NHEJ1: variants seen among roughly 807,000 people sequenced by gnomAD.
NHEJ1 encodes the protein non-homologous end joining factor 1, also known as non-homologous end-joining factor 1.
In NHEJ1, 22 loss-of-function variants were observed where a neutral mutation model predicts 39.4. The ratio of observed to expected loss-of-function variants is 0.56; its 90% confidence interval spans 0.40 to 0.80. The LOEUF (loss-of-function observed/expected upper bound fraction) is 0.80, where lower values mean the gene tolerates loss of function less well. NHEJ1 is among the 30% of genes least tolerant of loss of function. NHEJ1 has a pLI of 0.00. For missense variants in NHEJ1, 329 were observed against 357.1 expected, an observed-to-expected ratio of 0.92 and a Z score of 0.63; for synonymous variants, 154 against 135.6, an observed-to-expected ratio of 1.14 and a Z score of -0.94.
In NHEJ1 at chr2:219,150,261, G is replaced by A. The variant is rs944664286; in HGVS notation, c.391-2466C>T. Among the ~76,000 whole-genome samples, 10 of 152,270 alleles carry A rather than the reference G, an allele frequency of 6.6e-5. 1 individual carries two copies. In the South Asian group the frequency reaches 8.3e-4, roughly 13 times the overall value. ...GGTGGGAAGAAAGGAAGTTAGTGGC[G>A]GCAGCTTTTGTACCAAAACCAAGGA... On this transcript the variant is annotated intron_variant, in intron 3 of 7. Coordinates refer to ENST00000356853, the MANE Select transcript of NHEJ1 (RefSeq NM_024782.3).
intron 5 of NHEJ1, among the ~76,000 whole-genome samples, chr2:219,107,013 G>C (rs1325136400): frequency 6.6e-6 from 1 of 152,156 alleles, no homozygotes; most frequent in Non-Finnish European, 1.5e-5. Context: ...GGGCTTCAAT[G>C]GTGCCCACAA....
At chr2:219,155,136 G>A (rs1223424729) in intron 3 of NHEJ1, among the ~76,000 whole-genome samples, 2 of 151,634 alleles carry the variant, frequency 1.3e-5, no homozygotes, top group Non-Finnish European at 2.9e-5. Context: ...CGCATTTCTA[G>A]GTCCATGTAA....
intron 1 of NHEJ1, among the ~76,000 whole-genome samples, chr2:219,159,554 TATATATATGCATATATATATGC>T (rs201871938): frequency 0.12 from 6,729 of 55,890 alleles, 1,042 homozygotes; most frequent in Admixed American, 0.19. Context: ...TATATATGCA[TATATATATGCATATATATATGC>T]ATATATATAT....
chr2:219,129,147 A>C (rs1949553026), intron 5 of NHEJ1, among the ~76,000 whole-genome samples: 1 of 152,228 alleles, frequency 6.6e-6, no homozygotes, highest in Non-Finnish European at 1.5e-5. Context: ...ATTTTTACCT[A>C]AACAGACTTA....
chr2:219,118,883 C>T (rs568417435), intron 5 of NHEJ1, among the ~76,000 whole-genome samples: 1 of 152,132 alleles, frequency 6.6e-6, no homozygotes, highest in Non-Finnish European at 1.5e-5. Context: ...GAATCAATGG[C>T]GGCTGGTGGG....
chr2:219,080,515 ACT>A (rs1949052437), intron 5 of NHEJ1, among the ~76,000 whole-genome samples: 1 of 149,530 alleles, frequency 6.7e-6, no homozygotes, highest in Admixed American at 6.7e-5. Context: ...ACAGAGCAAG[ACT>A]CTGTCTTAAA....
intron 5 of NHEJ1, among the ~76,000 whole-genome samples, chr2:219,088,081 T>A (rs540258341): frequency 6.6e-6 from 1 of 152,338 alleles, no homozygotes; most frequent in Admixed American, 6.5e-5. Flanking sequence ...TATCAAGTGT[T>A]GACAAAGACA....
At chr2:219,095,295 C>A (rs1368382629) in intron 5 of NHEJ1, 1 of 470,662 alleles carries the variant, frequency 2.1e-6, no homozygotes, top group East Asian at 6.9e-5. Flanking sequence ...GAGACCGATG[C>A]AGCATGTAGA....
At chr2:219,077,653 T>G (rs927955821) in intron 6 of NHEJ1, among the ~76,000 whole-genome samples, 1 of 151,864 alleles carries the variant, frequency 6.6e-6, no homozygotes. Flanking sequence ...GAGATTAATT[T>G]TTTTTTTTTT....
intron 5 of NHEJ1, among the ~76,000 whole-genome samples, chr2:219,107,630 A>T (rs1949326091): frequency 6.6e-6 from 1 of 152,178 alleles, no homozygotes. Context: ...TAGTTGCTCC[A>T]TATGGACCCC....
At chr2:219,104,716 C>A (rs73991041) in intron 5 of NHEJ1, among the ~76,000 whole-genome samples, 2,465 of 151,814 alleles carry the variant, frequency 0.016, 69 homozygotes, top group African/African-American at 0.056. Context: ...CCCACACACA[C>A]AAAAAAGAAG....
chr2:219,145,574 C>T (rs933220341), intron 5 of NHEJ1, among the ~76,000 whole-genome samples: 1 of 152,078 alleles, frequency 6.6e-6, no homozygotes, highest in African/African-American at 2.4e-5. Context: ...TACATAATAC[C>T]AGATTATAAT....
intron 5 of NHEJ1, among the ~76,000 whole-genome samples, chr2:219,086,298 T>C (rs1436399799): frequency 1.3e-5 from 2 of 152,342 alleles, no homozygotes; most frequent in East Asian, 3.8e-4. Flanking sequence ...GTAACTTGAC[T>C]AAGGTCACAG....
intron 5 of NHEJ1, among the ~76,000 whole-genome samples, chr2:219,103,055 C>G (rs1346431577): frequency 7.0e-6 from 1 of 143,042 alleles, no homozygotes; most frequent in Non-Finnish European, 1.5e-5. Context: ...GTGGTGGGTG[C>G]CTGTAATCCC....
intron 3 of NHEJ1, among the ~76,000 whole-genome samples, chr2:219,153,693 G>GGC (rs66485936): frequency 0.42 from 24,340 of 57,386 alleles, 4,176 homozygotes; most frequent in East Asian, 0.67. Context: ...AGAAAGAAAA[G>GGC]GGGGGGGGGG....
At chr2:219,143,785 G>T (rs1949711454) in intron 5 of NHEJ1, among the ~76,000 whole-genome samples, 1 of 152,090 alleles carries the variant, frequency 6.6e-6, no homozygotes, top group African/African-American at 2.4e-5. Flanking sequence ...CAATTCCGCA[G>T]GGCTCCTCCC....
intron 5 of NHEJ1, among the ~76,000 whole-genome samples, chr2:219,124,293 G>T (rs551394953): frequency 2.0e-5 from 3 of 152,202 alleles, no homozygotes; most frequent in Non-Finnish European, 4.4e-5. Flanking sequence ...AGAGGAAAGC[G>T]GGCATCAGTT....
At chr2:219,116,370 T>C (rs1434751390) in intron 5 of NHEJ1, among the ~76,000 whole-genome samples, 1 of 152,102 alleles carries the variant, frequency 6.6e-6, no homozygotes, top group Non-Finnish European at 1.5e-5. Flanking sequence ...TTTTTTTTTC[T>C]TTTTGAAACA....
chr2:219,136,713 C>T (rs1949633503), intron 5 of NHEJ1, among the ~76,000 whole-genome samples: 1 of 152,082 alleles, frequency 6.6e-6, no homozygotes, highest in African/African-American at 2.4e-5. Flanking sequence ...AGCGATTCTC[C>T]TGCTTCAGCC....
Sources: gnomAD v4.1 joint callset for allele counts (sites outside exome capture counted in the v4.1 genomes callset) on GRCh38, gnomAD v4.1.1 for gene constraint, MANE v1.5 for transcripts, NCBI Gene and HGNC (gene_info 2026-07-23, HGNC 2026-07-21) for gene names.